SOX5: variants seen among roughly 807,000 people sequenced by gnomAD.
SOX5 encodes transcription factor SOX-5.
Under a neutral mutation model 92.0 loss-of-function variants are expected in SOX5, and 9 were observed. That is an observed-to-expected ratio of 0.10 (90% CI 0.06 to 0.17). The LOEUF (loss-of-function observed/expected upper bound fraction) is 0.17, where lower values mean the gene tolerates loss of function less well. Ranked by LOEUF, SOX5 falls within the 10% of genes least tolerant of loss-of-function variation. The probability of loss-of-function intolerance (pLI) is 1.00; values close to 1 mark genes in which losing one functional copy is unlikely to be tolerated. For missense variants in SOX5, 642 were observed against 944.5 expected (o/e 0.68, Z 4.20); for synonymous variants, 344 against 336.3 (o/e 1.02, Z -0.25).
chr12:23,538,863 T>C (rs943874117), intron 13 of SOX5, among the ~76,000 whole-genome samples: 1 of 146,742 alleles, frequency 6.8e-6, no homozygotes, highest in Non-Finnish European at 1.5e-5. Context: ...TGCAGTGGTG[T>C]GATCTCGGCT....
chr12:23,927,380 A>G (rs992399622), intron 1 of SOX5, among the ~76,000 whole-genome samples: 5 of 152,008 alleles, frequency 3.3e-5, no homozygotes, highest in African/African-American at 7.2e-5. Context: ...TTTTTCTCCA[A>G]CTTAACACCT....
chr12:24,301,779 C>G (rs914039301), intron 2 of SOX5, among the ~76,000 whole-genome samples: 4 of 152,060 alleles, frequency 2.6e-5, no homozygotes, highest in Admixed American at 2.6e-4. Flanking sequence ...TTTTCCTACC[C>G]CTGGCTGCAG....
chr12:24,555,166 A>G (rs1228504315), intron 1 of SOX5, among the ~76,000 whole-genome samples: 1 of 152,220 alleles, frequency 6.6e-6, no homozygotes, highest in Admixed American at 6.5e-5. Flanking sequence ...AGGAACAGTA[A>G]CACAGGGGAG....
chr12:23,994,398 A>C (rs1213453281), intron 4 of SOX5, among the ~76,000 whole-genome samples: 1 of 152,178 alleles, frequency 6.6e-6, no homozygotes, highest in African/African-American at 2.4e-5. Context: ...TATAAATTTG[A>C]CTGAATAATC....
Position 24,237,729 on chromosome 12 carries a change from C to T in SOX5, c.-76-24312G>A, listed in dbSNP as rs73058470. 189 of 152,140 alleles carry T rather than the reference C, an allele frequency of 1.2e-3. 1 individual carries two copies. The highest frequency in any genetic ancestry group is 1.5e-3 in the Non-Finnish European group (105 of 67,990). The allele number at this position is 152,140 out of a possible 1,614,324, so 9.4% of individuals were successfully genotyped here. On this transcript the variant is annotated intron_variant, in intron 3 of 4. Transcript: ENST00000446891. ...GATAATATACTATTTTATTTAATTACTTATTTCATGTGTATTATCTTGTTT... is the reference window on the plus strand; with the variant it reads ...GATAATATACTATTTTATTTAATTATTTATTTCATGTGTATTATCTTGTTT...
chr12:23,554,965 A>G (rs1412406501), intron 11 of SOX5, among the ~76,000 whole-genome samples: 1 of 152,166 alleles, frequency 6.6e-6, no homozygotes, highest in African/African-American at 2.4e-5. Context: ...GGAAAGAATC[A>G]AGGGGGAAAA....
intron 2 of SOX5, among the ~76,000 whole-genome samples, chr12:23,865,682 AC>A (rs1012209756): frequency 3.3e-4 from 50 of 152,198 alleles, no homozygotes; most frequent in African/African-American, 1.2e-3. Flanking sequence ...CTCAAAAAAA[AC>A]GAAAAAAAAT....
chr12:24,431,579 C>T (rs1445821526), intron 1 of SOX5, among the ~76,000 whole-genome samples: 1 of 152,168 alleles, frequency 6.6e-6, no homozygotes, highest in Non-Finnish European at 1.5e-5. Context: ...ACCATGAGAT[C>T]TACCCTCTTA....
chr12:23,687,016 A>C (rs574186556), intron 6 of SOX5, among the ~76,000 whole-genome samples: 1 of 152,082 alleles, frequency 6.6e-6, no homozygotes. Flanking sequence ...TCAGTTTGCT[A>C]CTAAAGATTT....
At chr12:24,183,522 G>A (rs1436694895) in intron 4 of SOX5, among the ~76,000 whole-genome samples, 1 of 152,046 alleles carries the variant, frequency 6.6e-6, no homozygotes, top group Non-Finnish European at 1.5e-5. Flanking sequence ...CTAAGTTGAT[G>A]TTATTCTCAT....
chr12:23,899,883 A>C (rs953106089), intron 1 of SOX5, among the ~76,000 whole-genome samples: 15 of 152,230 alleles, frequency 9.9e-5, no homozygotes, highest in African/African-American at 3.4e-4. Context: ...AAATAAAAGA[A>C]TAAATACTAA....
At chr12:24,213,673 G>A (rs1273870073) in intron 3 of SOX5, among the ~76,000 whole-genome samples, 1 of 151,504 alleles carries the variant, frequency 6.6e-6, no homozygotes, top group East Asian at 1.9e-4. Context: ...CTAGTTAGTG[G>A]CTAATGAATG....
intron 1 of SOX5, among the ~76,000 whole-genome samples, chr12:24,382,610 G>A (rs1957947986): frequency 6.6e-6 from 1 of 152,114 alleles, no homozygotes; most frequent in Non-Finnish European, 1.5e-5. Flanking sequence ...GTTCACCCTG[G>A]CCACGATTTG....
chr12:23,783,460 T>C (rs761067996), intron 3 of SOX5, among the ~76,000 whole-genome samples: 2 of 152,218 alleles, frequency 1.3e-5, no homozygotes, highest in Non-Finnish European at 2.9e-5. Flanking sequence ...AAAGTAGTTT[T>C]AGCGTATTAC....
intron 1 of SOX5, among the ~76,000 whole-genome samples, chr12:24,465,146 C>A (rs1187913603): frequency 6.6e-6 from 1 of 152,240 alleles, no homozygotes; most frequent in Non-Finnish European, 1.5e-5. Context: ...CTACCTTCAT[C>A]TTTCTCTCAC....
chr12:24,422,414 A>G (rs1966062475), intron 1 of SOX5, among the ~76,000 whole-genome samples: 2 of 152,074 alleles, frequency 1.3e-5, no homozygotes, highest in Admixed American at 1.3e-4. Context: ...CCAGTGCTCA[A>G]CTCTGCAGCC....
At chr12:23,752,768 A>T (rs1474359526) in intron 4 of SOX5, among the ~76,000 whole-genome samples, 2 of 151,910 alleles carry the variant, frequency 1.3e-5, no homozygotes, top group African/African-American at 4.8e-5. Flanking sequence ...CATCGCTTAT[A>T]AGTAAAGAAG....
intron 2 of SOX5, among the ~76,000 whole-genome samples, 178 bp downstream of exon 2, chr12:23,895,615 G>A (rs1211302134): frequency 2.6e-5 from 4 of 152,134 alleles, no homozygotes; most frequent in Non-Finnish European, 5.9e-5. Flanking sequence ...AACGAAAACA[G>A]CGTATCTTAT....
chr12:23,584,683 A>T (rs1326009395), intron 9 of SOX5: 1 of 1,053,806 alleles, frequency 9.5e-7, no homozygotes, highest in Non-Finnish European at 1.4e-6. Context: ...GAGATGAGTG[A>T]AGGCCAAATT....
Sources: allele counts gnomAD v4.1 joint callset (sites outside exome capture counted in the v4.1 genomes callset), GRCh38; gene constraint gnomAD v4.1.1; transcripts MANE v1.5; gene names NCBI Gene and HGNC (gene_info 2026-07-23, HGNC 2026-07-21).